SSTR2: variants seen among roughly 807,000 people sequenced by gnomAD.
SSTR2 encodes somatostatin receptor type 2.
A neutral mutation model predicts 21.4 loss-of-function variants in SSTR2; 10 were observed. The observed-to-expected ratio is 0.47, with a 90% CI of 0.29 to 0.79. SSTR2 has a LOEUF of 0.79. Among genes scored for constraint, SSTR2 ranks in the 30% least tolerant of loss-of-function variants. The pLI is 0.10. For missense variants in SSTR2, 364 were observed against 468.8 expected, an observed-to-expected ratio of 0.78 and a Z score of 2.06; for synonymous variants, 177 against 181.3, an observed-to-expected ratio of 0.98 and a Z score of 0.19.
At position 73,168,456 on chromosome 17, in the gene SSTR2, C is replaced by T. The variant is rs79044829; in HGVS notation, c.-92-772C>T. 5.8e-3 allele frequency among the ~76,000 whole-genome samples: 878 copies of T among 152,160 alleles called. 33 individuals carry two copies. The East Asian group carries it at 0.1, about 17-fold the overall frequency. The stretch of plus-strand genomic sequence containing the variant: ...TTGGAAAACAAAAATAGAAGAAAAA[C>T]AAAAAATAAACTGAAGCCTACATTT... On this transcript the variant is annotated intron_variant, in intron 1 of 1. Coordinates refer to ENST00000357585, the MANE Select transcript of SSTR2 (RefSeq NM_001050.3).
rs2061238341 is a variant in SSTR2 at position 73,172,399 on chromosome 17, T to G, written c.*1970T>G. 1 of 152,230 alleles carries G rather than the reference T, an allele frequency of 6.6e-6. No homozygotes were observed. The highest frequency in any genetic ancestry group is 2.4e-5 in the African/African-American group (1 of 41,466). The allele number at this position is 152,230 out of a possible 1,614,324, so 9.4% of individuals were successfully genotyped here. On this transcript the variant is annotated 3_prime_UTR_variant, in exon 2 of 2. Transcript: ENST00000357585. ...ACATAGATGTTACCATATTTTTAAA[T>G]GAGCTTTCCTCATCCGGCTCCCTAA...
In SSTR2 at chr17:73,170,396, C is replaced by T; in HGVS notation, c.1077C>T (p.Thr359=). The change falls in exon 2 of 2, where the codon ACC becomes ACT. Residue 359 remains threonine, a synonymous_variant. Coordinates refer to ENST00000357585, the MANE Select transcript of SSTR2 (RefSeq NM_001050.3). ...RLNETTETQR[T]LLNGDLQTSI The stretch of plus-strand genomic sequence containing the variant: ...ATGAGACCACGGAGACCCAGAGGAC[C>T]CTCCTCAATGGAGACCTCCAAACCA... 6.2e-7 allele frequency: 1 copy of T among 1,613,600 alleles called. No individual in the cohort carries two copies. The highest frequency in any genetic ancestry group is 1.1e-5 in the South Asian group (1 of 91,060).
chr17:73,170,078 G>A lies in SSTR2; in HGVS notation c.759G>A (p.Lys253=). The change falls in exon 2 of 2, where the codon AAG becomes AAA. Residue 253 remains lysine, a synonymous_variant. Coordinates refer to ENST00000357585, the MANE Select transcript of SSTR2 (RefSeq NM_001050.3). The part of the protein sequence containing the change: ...GSSKRKKSEK[K]VTRMVSIVVA... ...CTAAGAGGAAGAAGTCTGAGAAGAAGGTCACCCGAATGGTGTCCATCGTGG... is the reference window on the plus strand; with the variant it reads ...CTAAGAGGAAGAAGTCTGAGAAGAAAGTCACCCGAATGGTGTCCATCGTGG... 6.2e-7 allele frequency: 1 copy of A among 1,614,164 alleles called. No individual in the cohort carries two copies. The highest frequency in any genetic ancestry group is 2.2e-5 in the East Asian group (1 of 44,874).
Position 73,169,215 on chromosome 17 carries a change from C to T in SSTR2, c.-92-13C>T, listed in dbSNP as rs2145068689. 7.2e-7 allele frequency: 1 copy of T among 1,386,764 alleles called. No homozygotes were observed. Among genetic ancestry groups the T allele is most frequent in the Admixed American group, 2.7e-5 (1 of 37,302 alleles). 85.9% of individuals were successfully genotyped at this position (1,386,764 alleles called of 1,614,324 possible). ...CTGTGACCGACGGGCCAATCTTCCT[C>T]TTTTCCTTCCAGATGTCACACTGGA... On this transcript the variant is annotated splice_polypyrimidine_tract_variant and intron_variant, in intron 1 of 1. Transcript: ENST00000357585. The surrounding 1 kb of genome is among the most constrained non-coding windows in gnomAD (Gnocchi z 5.2).
rs1242646157 is a variant in SSTR2 at position 73,170,081 on chromosome 17, C to G, written c.762C>G (p.Val254=). 2.5e-6 allele frequency: 4 copies of G among 1,614,036 alleles called. No homozygotes were observed. Among genetic ancestry groups the G allele is most frequent in the Non-Finnish European group, 3.4e-6 (4 of 1,180,044 alleles). ...AGAGGAAGAAGTCTGAGAAGAAGGT[C>G]ACCCGAATGGTGTCCATCGTGGTGG... ...SSKRKKSEKK[V]TRMVSIVVAV... is the part of the protein sequence containing the mutation. The change falls in exon 2 of 2, where the codon GTC becomes GTG. Residue 254 remains valine (V), a synonymous_variant. Transcript: ENST00000357585.
In SSTR2 at chr17:73,172,191, C is replaced by T. The variant is rs1174217110; in HGVS notation, c.*1762C>T. On this transcript the variant is annotated 3_prime_UTR_variant, in exon 2 of 2. Transcript: ENST00000357585. ...CTGCAAGGACTATTGTAGACAGGCACTTCACACCATAAAGTGGCATTTTTT... is the reference window on the plus strand; with the variant it reads ...CTGCAAGGACTATTGTAGACAGGCATTTCACACCATAAAGTGGCATTTTTT... 6.6e-6 allele frequency: 1 copy of T among 152,180 alleles called. No individual in the cohort carries two copies. Among genetic ancestry groups the T allele is most frequent in the Non-Finnish European group, 1.5e-5 (1 of 68,038 alleles). The allele number at this position is 152,180 out of a possible 1,614,324, so 9.4% of individuals were successfully genotyped here.
At chr17:73,167,528 C>T in intron 1 of SSTR2, among the ~76,000 whole-genome samples, 1 of 152,200 alleles carries the variant, frequency 6.6e-6, no homozygotes, top group Middle Eastern at 3.2e-3. Flanking sequence ...ATGTGTCAGC[C>T]AAGTGAATTA....
intron 1 of SSTR2, chr17:73,167,942 ATAGTG>A (rs1568285489): frequency 3.3e-5 from 5 of 152,130 alleles, no homozygotes; most frequent in African/African-American, 7.2e-5. Flanking sequence ...AGCCAAGCCA[ATAGTG>A]CTCCAATTAT....
In SSTR2 at chr17:73,170,390, G is replaced by C; in HGVS notation, c.1071G>C (p.Gln357His). 1 of 1,613,932 alleles carries C rather than the reference G, an allele frequency of 6.2e-7. No homozygotes were observed. Among genetic ancestry groups the C allele is most frequent in the Non-Finnish European group, 8.5e-7 (1 of 1,180,002 alleles). ...KSRLNETTET[Q>H]RTLLNGDLQT... Reference sequence around the variant, plus strand: ...GGCTGAATGAGACCACGGAGACCCAGAGGACCCTCCTCAATGGAGACCTCC... The same window carrying C: ...GGCTGAATGAGACCACGGAGACCCACAGGACCCTCCTCAATGGAGACCTCC... The change falls in exon 2 of 2, where the codon CAG (glutamine) becomes CAC (histidine). Residue 357 changes from glutamine (Q) to histidine (H), a missense_variant. Coordinates refer to ENST00000357585, the MANE Select transcript of SSTR2 (RefSeq NM_001050.3).
rs1263985834 is a variant in SSTR2 at position 73,170,378 on chromosome 17, C to G, written c.1059C>G (p.Thr353=). 1 of 1,613,924 alleles carries G rather than the reference C, an allele frequency of 6.2e-7. No homozygotes were observed. Among genetic ancestry groups the G allele is most frequent in the Admixed American group, 1.7e-5 (1 of 59,978 alleles). Residue 353 remains threonine, a synonymous_variant, in exon 2 of 2, where the codon ACC becomes ACG. Transcript: ENST00000357585. ...SKQDKSRLNE[T]TETQRTLLNG... ...AGGACAAATCCCGGCTGAATGAGACCACGGAGACCCAGAGGACCCTCCTCA... is the reference window on the plus strand; with the variant it reads ...AGGACAAATCCCGGCTGAATGAGACGACGGAGACCCAGAGGACCCTCCTCA...
At position 73,175,107 on chromosome 17, in the gene SSTR2, T is replaced by A. The variant is rs181186230; in HGVS notation, c.*4678T>A. The A allele has an allele frequency of 1.3e-5, 2 of 152,336 alleles. No individual in the cohort carries two copies. Among genetic ancestry groups the A allele is most frequent in the Admixed American group, 1.3e-4 (2 of 15,294 alleles). The allele number at this position is 152,336 out of a possible 1,614,324, so 9.4% of individuals were successfully genotyped here. A position where few individuals can be genotyped will look rare whatever the true frequency, so the allele number is the denominator to read the frequency against. On this transcript the variant is annotated 3_prime_UTR_variant, in exon 2 of 2. Transcript: ENST00000357585. The stretch of plus-strand genomic sequence containing the variant: ...ATGCTTATCATTCTAAGAATCCCAA[T>A]AGCTGGCAAGCCAAGCAGTGGAACT...
In SSTR2 at chr17:73,170,629, C is replaced by G; in HGVS notation, c.*200C>G. 1 of 744,580 alleles carries G rather than the reference C, an allele frequency of 1.3e-6. No homozygotes were observed. Among genetic ancestry groups the G allele is most frequent in the East Asian group, 2.8e-5 (1 of 36,270 alleles). The allele number at this position is 744,580 out of a possible 1,614,324, so 46.1% of individuals were successfully genotyped here. On this transcript the variant is annotated 3_prime_UTR_variant, in exon 2 of 2. Coordinates refer to ENST00000357585, the MANE Select transcript of SSTR2 (RefSeq NM_001050.3). The stretch of plus-strand genomic sequence containing the variant: ...TAATGTGCTAAATTGATTACCTCCC[C>G]CTTAAAGCGAACACTGAAATGCAGG...
intron 1 of SSTR2, among the ~76,000 whole-genome samples, chr17:73,166,402 A>C (rs2061216406): frequency 7.2e-6 from 1 of 139,050 alleles, no homozygotes; most frequent in Non-Finnish European, 1.5e-5. Context: ...CGCCATCCCA[A>C]CACTCATTTC....
chr17:73,175,451 C>T lies in SSTR2; in HGVS notation c.*5022C>T, dbSNP rs925140243. ...CAGGGACTACAGGCACGTGCCACCACGCCCAGCTAATTTTTGTATTTTTAG... is the reference window on the plus strand; with the variant it reads ...CAGGGACTACAGGCACGTGCCACCATGCCCAGCTAATTTTTGTATTTTTAG... On this transcript the variant is annotated 3_prime_UTR_variant, in exon 2 of 2. Coordinates refer to ENST00000357585, the MANE Select transcript of SSTR2 (RefSeq NM_001050.3). 2.0e-5 allele frequency: 3 copies of T among 152,168 alleles called. No homozygotes were observed. The highest frequency in any genetic ancestry group is 6.6e-5 in the Admixed American group (1 of 15,264). 9.4% of individuals were successfully genotyped at this position (152,168 alleles called of 1,614,324 possible). A position where few individuals can be genotyped will look rare whatever the true frequency, so the allele number is the denominator to read the frequency against.
rs762977785 is a variant in SSTR2 at position 73,169,869 on chromosome 17, C to T, written c.550C>T (p.Arg184Trp). ...ILPIMIYAGL[R>W]SNQWGRSSCT... The stretch of plus-strand genomic sequence containing the variant: ...GCCCATCATGATATATGCTGGGCTC[C>T]GGAGCAACCAGTGGGGGAGAAGCAG... The change falls in exon 2 of 2, where the codon CGG becomes TGG. Residue 184 changes from arginine (R) to tryptophan (W), a missense_variant. Coordinates refer to ENST00000357585, the MANE Select transcript of SSTR2 (RefSeq NM_001050.3). The surrounding 1 kb of genome is among the most constrained non-coding windows in gnomAD (Gnocchi z 5.2). 4 of 1,612,756 alleles carry T rather than the reference C, an allele frequency of 2.5e-6. No individual in the cohort carries two copies. The highest frequency in any genetic ancestry group is 1.1e-5 in the South Asian group (1 of 91,028).
At position 73,170,338 on chromosome 17, in the gene SSTR2, G is replaced by C; in HGVS notation, c.1019G>C (p.Arg340Pro). The C allele has an allele frequency of 1.2e-6, 2 of 1,613,968 alleles. No individual in the cohort carries two copies. The highest frequency in any genetic ancestry group is 1.7e-6 in the Non-Finnish European group (2 of 1,180,006). ...GTGAGCGGCACAGATGATGGGGAGC[G>C]GAGTGACAGTAAGCAGGACAAATCC... ...VKVSGTDDGE[R>P]SDSKQDKSRL... The change falls in exon 2 of 2, where the codon CGG becomes CCG. Residue 340 changes from arginine to proline, a missense_variant. Physicochemically the swap from Arg to Pro is moderately radical, Grantham distance 103 (BLOSUM62 -2). Coordinates refer to ENST00000357585, the MANE Select transcript of SSTR2 (RefSeq NM_001050.3).
At position 73,175,390 on chromosome 17, in the gene SSTR2, A is replaced by G. The variant is rs61612827; in HGVS notation, c.*4961A>G. The G allele has an allele frequency of 0.03, 4,561 of 150,122 alleles. 191 individuals are homozygous for G. The highest frequency in any genetic ancestry group is 0.16 in the East Asian group (818 of 5,086). The allele number at this position is 150,122 out of a possible 1,614,324, so 9.3% of individuals were successfully genotyped here. A position where few individuals can be genotyped will look rare whatever the true frequency, so the allele number is the denominator to read the frequency against. Reference sequence around the variant, plus strand: ...GCTCACTGCAACCTCCACCTACCGGATTCAAGTGATTCTCCTGCCTCAGCC... The same window carrying G: ...GCTCACTGCAACCTCCACCTACCGGGTTCAAGTGATTCTCCTGCCTCAGCC... On this transcript the variant is annotated 3_prime_UTR_variant, in exon 2 of 2. Coordinates refer to ENST00000357585, the MANE Select transcript of SSTR2 (RefSeq NM_001050.3).
At position 73,169,078 on chromosome 17, in the gene SSTR2, G is replaced by T. The variant is rs1325754484; in HGVS notation, c.-92-150G>T. 13 of 536,678 alleles carry T rather than the reference G, an allele frequency of 2.4e-5. No individual in the cohort carries two copies. The South Asian group carries it at 3.4e-4, about 14-fold the overall frequency. 33.2% of individuals were successfully genotyped at this position (536,678 alleles called of 1,614,324 possible). A position where few individuals can be genotyped will look rare whatever the true frequency, so the allele number is the denominator to read the frequency against. On this transcript the variant is annotated intron_variant, in intron 1 of 1. Coordinates refer to ENST00000357585, the MANE Select transcript of SSTR2 (RefSeq NM_001050.3). This position sits in a 1 kb window ranked among gnomAD's most constrained non-coding sequence, Gnocchi z 5.2. ...CAACTCAAAAAGTCTGCACACTGAT[G>T]AGGAACTCTAGAGCTTAATGTTGAT...
rs1395570997 is a variant in SSTR2 at position 73,172,087 on chromosome 17, T to G, written c.*1658T>G. 6.6e-6 allele frequency: 1 copy of G among 152,120 alleles called. No individual in the cohort carries two copies. The highest frequency in any genetic ancestry group is 1.5e-5 in the Non-Finnish European group (1 of 68,090). 9.4% of individuals were successfully genotyped at this position (152,120 alleles called of 1,614,324 possible). On this transcript the variant is annotated 3_prime_UTR_variant, in exon 2 of 2. Coordinates refer to ENST00000357585, the MANE Select transcript of SSTR2 (RefSeq NM_001050.3). ...TTGGTGGGGCCCCACCTCTCGGAGA[T>G]ACTGCTGTGCTGCCTTCCTCACTGA...
Sources: gnomAD v4.1 joint callset for allele counts (sites outside exome capture counted in the v4.1 genomes callset) on GRCh38, gnomAD v4.1.1 for gene constraint, Gnocchi (gnomAD v3.1) non-coding constraint, MANE v1.5 for transcripts, NCBI Gene and HGNC (gene_info 2026-07-23, HGNC 2026-07-21) for gene names.